Variants in ALDH6A1 observed in about 807,000 individuals in gnomAD.
The protein encoded by ALDH6A1 is aldehyde dehydrogenase 6 family member A1.
A neutral mutation model predicts 62.6 loss-of-function variants in ALDH6A1; 43 were observed. That is an observed-to-expected ratio of 0.69 (90% confidence interval 0.54 to 0.89). The LOEUF (loss-of-function observed/expected upper bound fraction) is 0.89. Ranked by LOEUF, ALDH6A1 falls within the 40% of genes least tolerant of loss-of-function variation. The pLI is 0.00. For synonymous variants in ALDH6A1, 194 were observed against 234.2 expected (o/e 0.83, Z 1.57); for missense variants, 551 against 661.3 (o/e 0.83, Z 1.83).
intron 6 of ALDH6A1, among the ~76,000 whole-genome samples, chr14:74,069,678 G>A (rs911911178): frequency 4.0e-5 from 6 of 151,762 alleles, no homozygotes; most frequent in African/African-American, 9.7e-5. Flanking sequence ...GCTTGAACCC[G>A]GGAGGCAGAG....
At chr14:74,080,372 T>C (rs1425640917) in intron 1 of ALDH6A1, among the ~76,000 whole-genome samples, 3 of 149,364 alleles carry the variant, frequency 2.0e-5, no homozygotes, top group Admixed American at 6.6e-5. Context: ...CTCTTTCTTT[T>C]TTTTTTTTTT....
chr14:74,060,010 A>C lies in ALDH6A1; in HGVS notation c.*632T>G, dbSNP rs1334245312. On this transcript the variant is annotated 3_prime_UTR_variant, in exon 12 of 12. Transcript: ENST00000553458. ...GTGGGATAAAAGAGGGGCTAAAGAA[A>C]ACTTTGCAGGAGGTCTCTCCCAGTG... 1 of 154,508 alleles carries C rather than the reference A, an allele frequency of 6.5e-6. No individual in the cohort carries two copies. The highest frequency in any genetic ancestry group is 1.4e-5 in the Non-Finnish European group (1 of 69,596). The allele number at this position is 154,508 out of a possible 1,614,324, so 9.6% of individuals were successfully genotyped here. A position where few individuals can be genotyped will look rare whatever the true frequency, so the allele number is the denominator to read the frequency against.
intron 1 of ALDH6A1, among the ~76,000 whole-genome samples, chr14:74,079,953 A>G (rs1176913101): frequency 6.6e-6 from 1 of 152,058 alleles, no homozygotes; most frequent in Non-Finnish European, 1.5e-5. Context: ...CAGGAGGATC[A>G]CCTAAGCCTT....
At position 74,067,492 on chromosome 14, in the gene ALDH6A1, A is replaced by G. The variant is rs199734973; in HGVS notation, c.930T>C (p.Phe310=). 3 of 1,614,232 alleles carry G rather than the reference A, an allele frequency of 1.9e-6. No individual in the cohort carries two copies. In the East Asian group the frequency reaches 6.7e-5, roughly 36 times the overall value. Residue 310 remains phenylalanine, a synonymous_variant, in exon 8 of 12, where the codon TTT becomes TTC. Transcript: ENST00000553458. ...NTLNQLVGAA[F]GAAGQRCMAL... is the part of the protein sequence containing the mutation. ...CCATGCAGCGCTGACCAGCAGCTCC[A>G]AATGCTGCCCCAACCAGCTGGTTCA... is the stretch of plus-strand genomic sequence containing the variant.
Position 74,057,508 on chromosome 14 carries a change from A to G in ALDH6A1, c.*3134T>C, listed in dbSNP as rs896708787. On this transcript the variant is annotated 3_prime_UTR_variant, in exon 12 of 12. Coordinates refer to ENST00000553458, the MANE Select transcript of ALDH6A1 (RefSeq NM_005589.4). ...ACCTATAGGTTGCCTTTTGAAGTAAACAGCCTAGCCAAAATGTGTACTATC... is the reference window on the plus strand; with the variant it reads ...ACCTATAGGTTGCCTTTTGAAGTAAGCAGCCTAGCCAAAATGTGTACTATC... 12 of 1,381,526 alleles carry G rather than the reference A, an allele frequency of 8.7e-6. No individual in the cohort carries two copies. In the Admixed American group the frequency reaches 3.2e-4, roughly 36 times the overall value. The allele number at this position is 1,381,526 out of a possible 1,614,324, so 85.6% of individuals were successfully genotyped here.
At chr14:74,073,336 C>A (rs2060575302) in intron 2 of ALDH6A1, among the ~76,000 whole-genome samples, 1 of 151,950 alleles carries the variant, frequency 6.6e-6, no homozygotes, top group Non-Finnish European at 1.5e-5. Flanking sequence ...AACTCCTGGG[C>A]TCAAGTGATC....
chr14:74,063,801 G>T (rs2060401586), intron 11 of ALDH6A1, among the ~76,000 whole-genome samples: 1 of 150,766 alleles, frequency 6.6e-6, no homozygotes, highest in Admixed American at 6.6e-5. Flanking sequence ...GGGAGGCGGA[G>T]GTTGCAGTGA....
At chr14:74,063,881 A>G (rs1595111695) in intron 11 of ALDH6A1, among the ~76,000 whole-genome samples, 1 of 144,244 alleles carries the variant, frequency 6.9e-6, no homozygotes, top group South Asian at 2.3e-4. Flanking sequence ...AAAAAAAAAA[A>G]TTAATGGTAT....
At chr14:74,077,854 C>T (rs1417621722) in intron 1 of ALDH6A1, among the ~76,000 whole-genome samples, 1 of 152,200 alleles carries the variant, frequency 6.6e-6, no homozygotes, top group African/African-American at 2.4e-5. Flanking sequence ...GTCTTGTTCA[C>T]CTACTTCAGA....
intron 1 of ALDH6A1, chr14:74,078,089 T>A (rs2060632706): frequency 4.7e-6 from 2 of 421,294 alleles, no homozygotes; most frequent in South Asian, 3.5e-5. Flanking sequence ...AATAAACACT[T>A]ATTGTTTATT....
chr14:74,064,751 A>G, intron 11 of ALDH6A1, 71 bp downstream of exon 11: 1 of 1,611,674 alleles, frequency 6.2e-7, no homozygotes, highest in Non-Finnish European at 8.5e-7. Context: ...TTCCTTGCAG[A>G]ATCCTTGCTC....
chr14:74,084,209 G>A, intron 1 of ALDH6A1, 138 bp downstream of exon 1: 4 of 1,305,484 alleles, frequency 3.1e-6, no homozygotes, highest in African/African-American at 2.9e-5. Flanking sequence ...CATGGGACAG[G>A]GCCGCACAGG....
chr14:74,082,404 T>G (rs939867290), intron 1 of ALDH6A1, among the ~76,000 whole-genome samples: 2 of 139,410 alleles, frequency 1.4e-5, no homozygotes, highest in South Asian at 2.5e-4. Flanking sequence ...TTTTTTTTTT[T>G]TTTTTTTTTT....
chr14:74,075,594 C>A (rs139288937), intron 1 of ALDH6A1, among the ~76,000 whole-genome samples: 1 of 151,782 alleles, frequency 6.6e-6, no homozygotes, highest in East Asian at 1.9e-4. Flanking sequence ...GAGGGTGAGG[C>A]TGCAGTGAAC....
In ALDH6A1 at chr14:74,057,540, G is replaced by T; in HGVS notation, c.*3102C>A. 4 of 1,340,206 alleles carry T rather than the reference G, an allele frequency of 3.0e-6. No homozygotes were observed. Among genetic ancestry groups the T allele is most frequent in the Non-Finnish European group, 3.9e-6 (4 of 1,037,180 alleles). 83.0% of individuals were successfully genotyped at this position (1,340,206 alleles called of 1,614,324 possible). ...AGCCAAAATGTGTACTATCTTTTAC[G>T]TAAGAGTAAACATAGTGACCTTGTG... On this transcript the variant is annotated 3_prime_UTR_variant, in exon 12 of 12. Coordinates refer to ENST00000553458, the MANE Select transcript of ALDH6A1 (RefSeq NM_005589.4).
rs1224192088 is a variant in ALDH6A1, at chr14:74,072,573, T to G, written c.150A>C (p.Glu50Asp). ...TATCGATCCATTTGTCACTTTTGGA[T>G]TCAACGAATTTCCCACCAATGAAGA... ...VKLFIGGKFV[E>D]SKSDKWIDIH... Residue 50 changes from glutamate (E) to aspartate (D), a missense_variant, in exon 3 of 12, where the codon GAA (glutamate) becomes GAC (aspartate). Physicochemically the swap from Glu to Asp is conservative, Grantham distance 45. Transcript: ENST00000553458. 6.2e-7 allele frequency: 1 copy of G among 1,614,098 alleles called. No individual in the cohort carries two copies. Among genetic ancestry groups the G allele is most frequent in the Non-Finnish European group, 8.5e-7 (1 of 1,180,026 alleles).
chr14:74,084,267 C>A (rs566251991), intron 1 of ALDH6A1, 80 bp downstream of exon 1: 1 of 1,601,568 alleles, frequency 6.2e-7, no homozygotes, highest in East Asian at 2.2e-5. Flanking sequence ...GAAGGTGGTC[C>A]CGCCCGAGGA....
At position 74,059,178 on chromosome 14, in the gene ALDH6A1, G is replaced by C; in HGVS notation, c.*1464C>G. The C allele has an allele frequency of 8.8e-6, 2 of 226,450 alleles. 1 individual carries two copies. The highest frequency in any genetic ancestry group is 9.5e-5 in the South Asian group (2 of 20,982). 14.0% of individuals were successfully genotyped at this position (226,450 alleles called of 1,614,324 possible). The stretch of plus-strand genomic sequence containing the variant: ...TTTTTTTTAACCACTTTATGTCATG[G>C]AAAGCTTCGAAATTTCTTAGGCCCA... On this transcript the variant is annotated 3_prime_UTR_variant, in exon 12 of 12. Coordinates refer to ENST00000553458, the MANE Select transcript of ALDH6A1 (RefSeq NM_005589.4).
Position 74,057,970 on chromosome 14 carries a change from C to A in ALDH6A1, c.*2672G>T. 1.1e-6 allele frequency: 1 copy of A among 872,740 alleles called. No homozygotes were observed. The highest frequency in any genetic ancestry group is 1.4e-6 in the Non-Finnish European group (1 of 724,676). 54.1% of individuals were successfully genotyped at this position (872,740 alleles called of 1,614,324 possible). ...ATCTCTGTGACTACATTTAATTCCA[C>A]TTGGAATATAGACAATAATGACCTT... is the stretch of plus-strand genomic sequence containing the variant. On this transcript the variant is annotated 3_prime_UTR_variant, in exon 12 of 12. Transcript: ENST00000553458.
Sources: allele counts gnomAD v4.1 joint callset (sites outside exome capture counted in the v4.1 genomes callset), GRCh38; gene constraint gnomAD v4.1.1; transcripts MANE v1.5; gene names NCBI Gene and HGNC (gene_info 2026-07-23, HGNC 2026-07-21).